The following TRAF3 variants were observed in gnomAD, a reference collection of about 807,000 sequenced individuals.
The protein encoded by TRAF3 is TNF receptor-associated factor 3.
In TRAF3, 13 loss-of-function variants were observed where a neutral mutation model predicts 62.3. That is an observed-to-expected ratio of 0.21 (90% CI 0.14 to 0.33). The LOEUF (loss-of-function observed/expected upper bound fraction) is 0.33, where lower values mean the gene tolerates loss of function less well. TRAF3 is among the 10% of genes least tolerant of loss of function. TRAF3 has a pLI of 1.00. For synonymous variants in TRAF3, 269 were observed against 283.4 expected (o/e 0.95, Z 0.51); for missense variants, 440 against 741.8 (o/e 0.59, Z 4.73).
chr14:102,867,266 T>A (rs1888055854), intron 2 of TRAF3, among the ~76,000 whole-genome samples: 1 of 152,178 alleles, frequency 6.6e-6, no homozygotes, highest in African/African-American at 2.4e-5. Flanking sequence ...TATCCTAGGC[T>A]TTGTGGACTA....
chr14:102,800,345 A>G (rs953063897), intron 1 of TRAF3, among the ~76,000 whole-genome samples: 1 of 152,222 alleles, frequency 6.6e-6, no homozygotes. Context: ...AGAGGCTGTT[A>G]GGTGATCATT....
At chr14:102,852,093 A>C (rs895436780) in intron 2 of TRAF3, among the ~76,000 whole-genome samples, 2 of 152,036 alleles carry the variant, frequency 1.3e-5, no homozygotes, top group Admixed American at 6.6e-5. Flanking sequence ...AAGAAAAGAA[A>C]TTACCTCAAA....
chr14:102,892,193 T>G (rs186092695), intron 9 of TRAF3, among the ~76,000 whole-genome samples: 116 of 152,020 alleles, frequency 7.6e-4, no homozygotes, highest in African/African-American at 2.6e-3. Flanking sequence ...GAGTAGCTGG[T>G]ATTACAGGTG....
chr14:102,859,709 T>C (rs1407197057), intron 2 of TRAF3, among the ~76,000 whole-genome samples: 1 of 152,242 alleles, frequency 6.6e-6, no homozygotes, highest in Admixed American at 6.5e-5. Flanking sequence ...TAAACACTTA[T>C]TTTTAAGCCA....
At chr14:102,846,219 G>GAAAAATTGA (rs1377920017) in intron 2 of TRAF3, among the ~76,000 whole-genome samples, 1 of 152,038 alleles carries the variant, frequency 6.6e-6, no homozygotes, top group African/African-American at 2.4e-5. Context: ...GATTGAGATA[G>GAAAAATTGA]CTGTACCAGA....
At chr14:102,868,814 G>A (rs1183671958) in intron 2 of TRAF3, among the ~76,000 whole-genome samples, 1 of 152,176 alleles carries the variant, frequency 6.6e-6, no homozygotes, top group Non-Finnish European at 1.5e-5. Context: ...TCAGGAACTC[G>A]ATTCAACTCC....
chr14:102,839,292 C>G (rs756419439), intron 2 of TRAF3, among the ~76,000 whole-genome samples: 1 of 139,480 alleles, frequency 7.2e-6, no homozygotes, highest in African/African-American at 2.7e-5. Context: ...GATCTTCGCT[C>G]ACTGCAACCT....
At chr14:102,852,381 G>A (rs1365987862) in intron 2 of TRAF3, among the ~76,000 whole-genome samples, 1 of 152,172 alleles carries the variant, frequency 6.6e-6, no homozygotes, top group African/African-American at 2.4e-5. Context: ...GTACTTGTAG[G>A]TGTTGTTGTT....
rs190230408 is a variant in TRAF3 at position 102,798,288 on chromosome 14, C to G, written c.-157+20613C>G. Among the ~76,000 whole-genome samples the G allele has an allele frequency of 4.7e-5, 7 of 147,842 alleles. No homozygotes were observed. The Admixed American group carries it at 4.8e-4, about 10-fold the overall frequency. ...CCAGGTTGGAGTGCAGTGGTGCGAT[C>G]ACAGCTCACTGTAGCCTCGACCTCT... On this transcript the variant is annotated intron_variant, in intron 1 of 11. Coordinates refer to ENST00000392745, the MANE Select transcript of TRAF3 (RefSeq NM_145725.3).
In TRAF3 at chr14:102,826,958, T is replaced by C. The variant is rs533848559; in HGVS notation, c.-156-3376T>C. Among the ~76,000 whole-genome samples, 3 of 152,210 alleles carry C rather than the reference T, an allele frequency of 2.0e-5. No individual in the cohort carries two copies. The East Asian group carries it at 5.8e-4, about 29-fold the overall frequency. ...GAGGCCTCAGGTCCCAGACATAGGCTCTGTCAGTGGTGGTGGCGGTGGCTG... is the reference window on the plus strand; with the variant it reads ...GAGGCCTCAGGTCCCAGACATAGGCCCTGTCAGTGGTGGTGGCGGTGGCTG... On this transcript the variant is annotated intron_variant, in intron 1 of 11. Coordinates refer to ENST00000392745, the MANE Select transcript of TRAF3 (RefSeq NM_145725.3). The surrounding 1 kb of genome is among the most constrained non-coding windows in gnomAD (Gnocchi z 4.6).
rs148666528 is a variant in TRAF3, at chr14:102,780,946, C to T, written c.-157+3271C>T. Among the ~76,000 whole-genome samples the T allele has an allele frequency of 1.7e-3, 264 of 152,326 alleles. 1 individual carries two copies. Among genetic ancestry groups the T allele is most frequent in the African/African-American group, 6.2e-3 (259 of 41,566 alleles). On this transcript the variant is annotated intron_variant, in intron 1 of 11. Coordinates refer to ENST00000392745, the MANE Select transcript of TRAF3 (RefSeq NM_145725.3). ...AGGATAAGGAAAAATGCAAATCTAC[C>T]ATCCTGCCCTCAGGGTGCTAACCCT...
intron 1 of TRAF3, among the ~76,000 whole-genome samples, chr14:102,797,799 G>A (rs567472729): frequency 9.9e-5 from 15 of 150,830 alleles, no homozygotes; most frequent in Admixed American, 4.0e-4. Flanking sequence ...GTGCAGTGGC[G>A]TGATCTTGGC....
At chr14:102,778,496 T>A (rs919830967) in intron 1 of TRAF3, among the ~76,000 whole-genome samples, 1 of 152,182 alleles carries the variant, frequency 6.6e-6, no homozygotes, top group Non-Finnish European at 1.5e-5. Context: ...ACCTTCAGAT[T>A]ACGAGCTGTT....
chr14:102,872,854 G>A (rs1279953484), intron 4 of TRAF3, among the ~76,000 whole-genome samples: 1 of 151,974 alleles, frequency 6.6e-6, no homozygotes, highest in East Asian at 1.9e-4. Context: ...ACCACGCCCA[G>A]CTAATTTTTG....
intron 2 of TRAF3, among the ~76,000 whole-genome samples, chr14:102,849,386 T>TC (rs1474979126): frequency 2.0e-5 from 3 of 152,230 alleles, no homozygotes; most frequent in Non-Finnish European, 4.4e-5. Context: ...CTGCTTCCTG[T>TC]CCAGATGGCA....
intron 2 of TRAF3, among the ~76,000 whole-genome samples, chr14:102,841,965 C>T (rs1886397004): frequency 6.6e-6 from 1 of 151,998 alleles, no homozygotes; most frequent in African/African-American, 2.4e-5. Flanking sequence ...ATATAAAATG[C>T]CGGGCGCAGT....
chr14:102,843,493 A>G (rs966217716), intron 2 of TRAF3, among the ~76,000 whole-genome samples: 16 of 151,934 alleles, frequency 1.1e-4, no homozygotes, highest in Non-Finnish European at 4.4e-5. Flanking sequence ...GTGTGCCACC[A>G]TACCCAGCTA....
At chr14:102,799,201 T>G (rs970620638) in intron 1 of TRAF3, among the ~76,000 whole-genome samples, 1 of 152,086 alleles carries the variant, frequency 6.6e-6, no homozygotes, top group South Asian at 2.1e-4. Context: ...GAAGTCCTGC[T>G]CAGAGTCTTT....
chr14:102,790,621 A>C (rs1176028932), intron 1 of TRAF3, among the ~76,000 whole-genome samples: 4 of 152,160 alleles, frequency 2.6e-5, no homozygotes, highest in Non-Finnish European at 5.9e-5. Flanking sequence ...TGTGAGACTT[A>C]CTATCATGAG....
Sources: allele counts gnomAD v4.1 joint callset (sites outside exome capture counted in the v4.1 genomes callset), GRCh38; gene constraint gnomAD v4.1.1; non-coding constraint Gnocchi (gnomAD v3.1); transcripts MANE v1.5; gene names NCBI Gene and HGNC (gene_info 2026-07-23, HGNC 2026-07-21).